Variants in MEGF10 observed in about 807,000 individuals in gnomAD.
The protein encoded by MEGF10 is multiple epidermal growth factor-like domains protein 10.
A neutral mutation model predicts 147.5 loss-of-function variants in MEGF10; 86 were observed. The observed-to-expected ratio is 0.58, with a 90% CI of 0.49 to 0.70. The LOEUF (loss-of-function observed/expected upper bound fraction) is 0.70. MEGF10 is among the 30% of genes least tolerant of loss of function. The pLI is 0.00. For synonymous variants in MEGF10, 478 were observed against 525.5 expected (o/e 0.91, Z 1.24); for missense variants, 1,329 against 1,487.3 (o/e 0.89, Z 1.75).
chr5:127,284,999 TATCTC>T, the MEGF10 span, among the ~76,000 whole-genome samples: 1 of 152,142 alleles, frequency 6.6e-6, no homozygotes, highest in Non-Finnish European at 1.5e-5. Flanking sequence ...ATTGAAAAAA[TATCTC>T]ATAAAATCCT....
chr5:127,251,279 A>G, the MEGF10 span, among the ~76,000 whole-genome samples: 118 of 152,212 alleles, frequency 7.8e-4, no homozygotes, highest in Middle Eastern at 0.01. Flanking sequence ...TAGGAGGAGC[A>G]GTATGCACAT....
At chr5:127,425,255 C>G (rs147871064) in intron 13 of MEGF10, among the ~76,000 whole-genome samples, 2 of 152,208 alleles carry the variant, frequency 1.3e-5, no homozygotes, top group Non-Finnish European at 2.9e-5. Flanking sequence ...CTATCAAGCT[C>G]CTACGGGAAT....
chr5:127,362,826 G>A (rs1379700329), intron 4 of MEGF10, among the ~76,000 whole-genome samples: 1 of 151,960 alleles, frequency 6.6e-6, no homozygotes, highest in East Asian at 1.9e-4. Context: ...ATTTCTTCTT[G>A]TCCTGTTTTT....
chr5:127,394,772 A>G (rs556868560), intron 5 of MEGF10, among the ~76,000 whole-genome samples: 2 of 152,334 alleles, frequency 1.3e-5, no homozygotes, highest in Non-Finnish European at 2.9e-5. Flanking sequence ...TTTGTGAAAG[A>G]AGATTGTGAG....
At chr5:127,288,551 A>G (rs1759103705), upstream of MEGF10, among the ~76,000 whole-genome samples, 1 of 152,172 alleles carries the variant, frequency 6.6e-6, no homozygotes, top group Non-Finnish European at 1.5e-5. Context: ...TGATACCACT[A>G]TATACTTACT....
chr5:127,291,328 C>T (rs1759246367), intron 1 of MEGF10, among the ~76,000 whole-genome samples: 2 of 152,188 alleles, frequency 1.3e-5, no homozygotes, highest in Admixed American at 1.3e-4. Context: ...TGCATAATTC[C>T]TGCCCTTGTA....
chr5:127,448,330 G>C (rs949189373), intron 21 of MEGF10, among the ~76,000 whole-genome samples: 1 of 152,122 alleles, frequency 6.6e-6, no homozygotes, highest in Non-Finnish European at 1.5e-5. Flanking sequence ...TGATTATTAT[G>C]CCGATTTTAC....
At chr5:127,395,833 C>G (rs757362493) in intron 5 of MEGF10, among the ~76,000 whole-genome samples, 1 of 152,048 alleles carries the variant, frequency 6.6e-6, no homozygotes, top group African/African-American at 2.4e-5. Flanking sequence ...CGTGAGCCAC[C>G]GTTGACTGAT....
chr5:127,301,146 G>A (rs141878555), intron 1 of MEGF10, among the ~76,000 whole-genome samples: 15 of 152,258 alleles, frequency 9.9e-5, no homozygotes, highest in African/African-American at 3.1e-4. Context: ...GCTTATCTCC[G>A]TCACTCATTT....
the MEGF10 span, among the ~76,000 whole-genome samples, chr5:127,248,869 T>G: frequency 6.6e-6 from 1 of 151,570 alleles, no homozygotes; most frequent in Admixed American, 6.6e-5. Context: ...AAGCAGTATG[T>G]CTTTTAAAGT....
chr5:127,238,931 A>G, the MEGF10 span, among the ~76,000 whole-genome samples: 2 of 152,140 alleles, frequency 1.3e-5, no homozygotes, highest in Admixed American at 1.3e-4. Flanking sequence ...AAAGTGAAAG[A>G]ATCATCATCA....
At chr5:127,229,781 G>C in the MEGF10 span, 1 of 152,094 alleles carries the variant, frequency 6.6e-6, no homozygotes, top group Non-Finnish European at 1.5e-5. Context: ...CCAGGGGCCC[G>C]CAGGCTACGC....
chr5:127,430,904 T>C (rs1325057898), intron 13 of MEGF10, among the ~76,000 whole-genome samples: 1 of 152,258 alleles, frequency 6.6e-6, no homozygotes, highest in African/African-American at 2.4e-5. Context: ...GTAATAGAAT[T>C]TTTATAATTT....
the MEGF10 span, among the ~76,000 whole-genome samples, chr5:127,284,852 AAAGG>A: frequency 6.6e-6 from 1 of 152,194 alleles, no homozygotes; most frequent in African/African-American, 2.4e-5. Context: ...AGCACTACTG[AAAGG>A]AAATTATGGG....
chr5:127,247,393 AAGAAGAAGAAGAAGAAGAAGAAG>A, the MEGF10 span, among the ~76,000 whole-genome samples: 1 of 36,230 alleles, frequency 2.8e-5, no homozygotes, highest in Non-Finnish European at 5.4e-5. Flanking sequence ...GAAGAAGAAG[AAGAAGAAGAAGAAGAAGAAGAAG>A]AAGAAGAAGA....
chr5:127,388,367 T>C (rs1251618826), intron 5 of MEGF10, among the ~76,000 whole-genome samples: 1 of 152,028 alleles, frequency 6.6e-6, no homozygotes, highest in East Asian at 1.9e-4. Context: ...CAGGCTGGTC[T>C]CTAACTCTTG....
At chr5:127,303,372 T>TG (rs1289159072) in intron 1 of MEGF10, among the ~76,000 whole-genome samples, 1 of 142,532 alleles carries the variant, frequency 7.0e-6, no homozygotes, top group Non-Finnish European at 1.5e-5. Context: ...AGGTTGGAAG[T>TG]GTAGGTTGGA....
At chr5:127,396,188 C>T (rs991366371) in intron 5 of MEGF10, among the ~76,000 whole-genome samples, 1 of 152,228 alleles carries the variant, frequency 6.6e-6, no homozygotes, top group African/African-American at 2.4e-5. Flanking sequence ...AGCCAGGCTG[C>T]TCTCCTTGCA....
At chr5:127,310,831 T>G (rs1760258105) in intron 1 of MEGF10, among the ~76,000 whole-genome samples, 1 of 152,226 alleles carries the variant, frequency 6.6e-6, no homozygotes, top group Non-Finnish European at 1.5e-5. Flanking sequence ...GAGTGGGTTC[T>G]TTAGCAATCA....
Sources: allele counts gnomAD v4.1 joint callset (sites outside exome capture counted in the v4.1 genomes callset), GRCh38; gene constraint gnomAD v4.1.1; transcripts MANE v1.5; gene names NCBI Gene and HGNC (gene_info 2026-07-23, HGNC 2026-07-21).